Variants in ABT1 observed in about 807,000 individuals in gnomAD.
ABT1 encodes activator of basal transcription 1.
A neutral mutation model predicts 14.0 loss-of-function variants in ABT1; 13 were observed. That is an observed-to-expected ratio of 0.93 (90% CI 0.61 to 1.48). The LOEUF (loss-of-function observed/expected upper bound fraction) is 1.48, where lower values mean the gene tolerates loss of function less well. Ranked by LOEUF, ABT1 falls within the 40% of genes most tolerant of loss-of-function variation. The pLI is 0.00. For missense variants in ABT1, 430 were observed against 380.0 expected, an observed-to-expected ratio of 1.13 and a Z score of -1.09; for synonymous variants, 165 against 144.6, an observed-to-expected ratio of 1.14 and a Z score of -1.01.
intron 1 of ABT1, 77 bp from the exon 2 acceptor site, chr6:26,597,837 C>T: frequency 7.0e-7 from 1 of 1,425,618 alleles, no homozygotes; most frequent in Non-Finnish European, 9.4e-7. Flanking sequence ...ATGTGAAGAA[C>T]GTTGCGGGCA....
Position 26,598,507 on chromosome 6 carries a change from G to C in ABT1, c.681G>C (p.Arg227=), listed in dbSNP as rs782776423. 2.5e-6 allele frequency: 4 copies of C among 1,613,968 alleles called. No homozygotes were observed. In the South Asian group the frequency reaches 4.4e-5, roughly 18 times the overall value. ...EQELRARKAA[R]PGGRERARLA... is the part of the protein sequence containing the mutation. ...AACTGAGGGCCCGTAAAGCAGCACGGCCAGGGGGACGTGAACGGGCTCGCC... is the reference window on the plus strand; with the variant it reads ...AACTGAGGGCCCGTAAAGCAGCACGCCCAGGGGGACGTGAACGGGCTCGCC... Residue 227 remains arginine (R), a synonymous_variant, in exon 3 of 3, where the codon CGG becomes CGC. Transcript: ENST00000274849.
Position 26,598,016 on chromosome 6 carries a change from A to G in ABT1, c.344A>G (p.Lys115Arg). The change falls in exon 2 of 3, where the codon AAG becomes AGG. Residue 115 changes from lysine (K) to arginine (R), a missense_variant. Physicochemically the swap from Lys to Arg is conservative, Grantham distance 26. Coordinates refer to ENST00000274849, the MANE Select transcript of ABT1 (RefSeq NM_013375.4). Reference sequence around the variant, plus strand: ...GAGGGATGGGTGGAGTTCCGTGACAAGCGCATAGCCAAGCGCGTGGCGGCC... The same window carrying G: ...GAGGGATGGGTGGAGTTCCGTGACAGGCGCATAGCCAAGCGCGTGGCGGCC... ...YTEGWVEFRD[K>R]RIAKRVAASL... The G allele has an allele frequency of 6.2e-7, 1 of 1,614,218 alleles. No individual in the cohort carries two copies. The highest frequency in any genetic ancestry group is 8.5e-7 in the Non-Finnish European group (1 of 1,180,044).
intron 2 of ABT1, 55 bp downstream of exon 2, chr6:26,598,165 G>A: frequency 1.3e-6 from 2 of 1,578,548 alleles, no homozygotes; most frequent in Non-Finnish European, 1.7e-6. Context: ...CCCCAACTCT[G>A]GCCCAAGTAT....
At position 26,596,982 on chromosome 6, in the gene ABT1, C is replaced by G; in HGVS notation, c.-1C>G. ...CCGTCGTGCCGCTCGTGTCAGTCAA[C>G]ATGGAGGCAGAGGAATCGGAGAAGG... On this transcript the variant is annotated 5_prime_UTR_variant, in exon 1 of 3. Transcript: ENST00000274849. 1.2e-6 allele frequency: 2 copies of G among 1,609,638 alleles called. No homozygotes were observed. The highest frequency in any genetic ancestry group is 1.1e-5 in the South Asian group (1 of 90,464).
In ABT1 at chr6:26,598,270, G is replaced by C; in HGVS notation, c.444G>C (p.Leu148Phe). The C allele has an allele frequency of 6.2e-7, 1 of 1,612,178 alleles. No individual in the cohort carries two copies. Among genetic ancestry groups the C allele is most frequent in the Non-Finnish European group, 8.5e-7 (1 of 1,178,374 alleles). ...TTCTTCTTTTCTGCCCACAGTACTTGCACCGTTTCACCTGGTCCCACCTCA... is the reference window on the plus strand; with the variant it reads ...TTCTTCTTTTCTGCCCACAGTACTTCCACCGTTTCACCTGGTCCCACCTCA... ...FRYDLWNLKY[L>F]HRFTWSHLSE... The change falls in exon 3 of 3, where the codon TTG (leucine) becomes TTC (phenylalanine). Residue 148 changes from leucine to phenylalanine, a missense_variant. By Grantham distance (22) the Leu-to-Phe change is conservative. Coordinates refer to ENST00000274849, the MANE Select transcript of ABT1 (RefSeq NM_013375.4).
rs563288722 is a variant in ABT1, at chr6:26,597,001, G to C, written c.19G>C (p.Glu7Gln). The change falls in exon 1 of 3, where the codon GAG becomes CAG. Residue 7 changes from glutamate (E) to glutamine (Q), a missense_variant. Coordinates refer to ENST00000274849, the MANE Select transcript of ABT1 (RefSeq NM_013375.4). Reference protein sequence around the residue: MEAEESEKAATEQEPLE... With the variant: MEAEESQKAATEQEPLE... ...AGTCAACATGGAGGCAGAGGAATCG[G>C]AGAAGGCCGCAACGGAGCAAGAGCC... The C allele has an allele frequency of 3.1e-6, 5 of 1,611,962 alleles. No homozygotes were observed. The highest frequency in any genetic ancestry group is 2.7e-5 in the African/African-American group (2 of 74,896).
At position 26,600,088 on chromosome 6, in the gene ABT1, T is replaced by C. The variant is rs1764956658; in HGVS notation, c.*1443T>C. On this transcript the variant is annotated 3_prime_UTR_variant, in exon 3 of 3. Coordinates refer to ENST00000274849, the MANE Select transcript of ABT1 (RefSeq NM_013375.4). ...TTTCTCACAACCCACATACCTCTTATACTTGGCACACAAACTACGTTTCCA... is the reference window on the plus strand; with the variant it reads ...TTTCTCACAACCCACATACCTCTTACACTTGGCACACAAACTACGTTTCCA... The C allele has an allele frequency of 6.6e-6, 1 of 152,264 alleles. No individual in the cohort carries two copies. The highest frequency in any genetic ancestry group is 1.5e-5 in the Non-Finnish European group (1 of 68,048). The allele number at this position is 152,264 out of a possible 1,614,324, so 9.4% of individuals were successfully genotyped here. A position where few individuals can be genotyped will look rare whatever the true frequency, so the allele number is the denominator to read the frequency against.
Position 26,600,532 on chromosome 6 carries a change from G to A in ABT1, c.*1887G>A, listed in dbSNP as rs1033050279. The A allele has an allele frequency of 2.6e-5, 4 of 152,242 alleles. No individual in the cohort carries two copies. Among genetic ancestry groups the A allele is most frequent in the African/African-American group, 7.2e-5 (3 of 41,462 alleles). The allele number at this position is 152,242 out of a possible 1,614,324, so 9.4% of individuals were successfully genotyped here. Reference sequence around the variant, plus strand: ...GCAAGCTAAGTAAGTCACAGGTGGAGTGAGGAATGAGAATAAATGGGTGGA... The same window carrying A: ...GCAAGCTAAGTAAGTCACAGGTGGAATGAGGAATGAGAATAAATGGGTGGA... On this transcript the variant is annotated 3_prime_UTR_variant, in exon 3 of 3. Coordinates refer to ENST00000274849, the MANE Select transcript of ABT1 (RefSeq NM_013375.4).
At position 26,598,259 on chromosome 6, in the gene ABT1, C is replaced by T. The variant is rs1163746960; in HGVS notation, c.439-6C>T. The stretch of plus-strand genomic sequence containing the variant: ...ATCCTGATCTTTTCTTCTTTTCTGC[C>T]CACAGTACTTGCACCGTTTCACCTG... On this transcript the variant is annotated splice_region_variant and splice_polypyrimidine_tract_variant and intron_variant, in intron 2 of 2. Transcript: ENST00000274849. 4 of 1,607,602 alleles carry T rather than the reference C, an allele frequency of 2.5e-6. No homozygotes were observed. In the East Asian group the frequency reaches 6.7e-5, roughly 27 times the overall value.
intron 1 of ABT1, 57 bp from the exon 2 acceptor site, chr6:26,597,857 G>A: frequency 2.6e-6 from 4 of 1,513,760 alleles, no homozygotes; most frequent in Non-Finnish European, 3.6e-6. Context: ...AGTGGGAGGT[G>A]CTTTTGAGTG....
In ABT1 at chr6:26,598,681, T is replaced by TC. The variant is rs782207883; in HGVS notation, c.*37dup. 9.3e-5 allele frequency: 141 copies of TC among 1,510,054 alleles called. No individual in the cohort carries two copies. The highest frequency in any genetic ancestry group is 1.2e-4 in the Non-Finnish European group (132 of 1,132,004). The allele number at this position is 1,510,054 out of a possible 1,614,324, so 93.5% of individuals were successfully genotyped here. ...GGCCCCTTCCATTTCCTGGCCCTGC[T>TC]CTGCTTCCTGTCTACCTCATACTAG... On this transcript the variant is annotated 3_prime_UTR_variant, in exon 3 of 3. Coordinates refer to ENST00000274849, the MANE Select transcript of ABT1 (RefSeq NM_013375.4).
Position 26,599,022 on chromosome 6 carries a change from C to T in ABT1, c.*377C>T, listed in dbSNP as rs1216806751. The T allele has an allele frequency of 5.5e-6, 1 of 180,668 alleles. No individual in the cohort carries two copies. The highest frequency in any genetic ancestry group is 1.1e-5 in the Non-Finnish European group (1 of 87,184). The allele number at this position is 180,668 out of a possible 1,614,324, so 11.2% of individuals were successfully genotyped here. A position where few individuals can be genotyped will look rare whatever the true frequency, so the allele number is the denominator to read the frequency against. On this transcript the variant is annotated 3_prime_UTR_variant, in exon 3 of 3. Transcript: ENST00000274849. Reference sequence around the variant, plus strand: ...GCAATCTTTCTCTGTTTAGCAGTCACAGGTGAGGGTGGTATTAGCATCTTT... The same window carrying T: ...GCAATCTTTCTCTGTTTAGCAGTCATAGGTGAGGGTGGTATTAGCATCTTT...
rs568927550 is a variant in ABT1, at chr6:26,598,403, C to A, written c.577C>A (p.Gln193Lys). ...CTATCTTCAAAGTGTGGAACGGGGACAACGCTTTCTTGCGGCCGATGGGGA... is the reference window on the plus strand; with the variant it reads ...CTATCTTCAAAGTGTGGAACGGGGAAAACGCTTTCTTGCGGCCGATGGGGA... Reference protein sequence around the residue: ...DFYLQSVERGQRFLAADGDPA... With the variant: ...DFYLQSVERGKRFLAADGDPA... Residue 193 changes from glutamine to lysine, a missense_variant, in exon 3 of 3, where the codon CAA (glutamine) becomes AAA (lysine). Transcript: ENST00000274849. 10 of 1,614,252 alleles carry A rather than the reference C, an allele frequency of 6.2e-6. No individual in the cohort carries two copies. The African/African-American group carries it at 9.3e-5, about 15-fold the overall frequency.
chr6:26,598,094 A>T lies in ABT1; in HGVS notation c.422A>T (p.Asp141Val), dbSNP rs1400805322. Residue 141 changes from aspartate (D) to valine (V), a missense_variant, in exon 2 of 3, where the codon GAT becomes GTT. Asp to Val is a radical substitution (Grantham distance 152, BLOSUM62 -3). Transcript: ENST00000274849. ...CGCAGGCGCAGCCCCTTCCGTTATGATCTTTGGAACCTCAAGGTGAGAAGA... is the reference window on the plus strand; with the variant it reads ...CGCAGGCGCAGCCCCTTCCGTTATGTTCTTTGGAACCTCAAGGTGAGAAGA... ...GARRRSPFRY[D>V]LWNLKYLHRF... The T allele has an allele frequency of 1.2e-6, 2 of 1,610,246 alleles. No individual in the cohort carries two copies. The highest frequency in any genetic ancestry group is 1.7e-5 in the Admixed American group (1 of 59,806).
rs1176338571 is a variant in ABT1, at chr6:26,597,976, A to T, written c.304A>T (p.Thr102Ser). 7 of 1,614,058 alleles carry T rather than the reference A, an allele frequency of 4.3e-6. No individual in the cohort carries two copies. The highest frequency in any genetic ancestry group is 5.9e-6 in the Non-Finnish European group (7 of 1,180,010). Reference sequence around the variant, plus strand: ...TGCCGGAGGAAAAAAGCGGTCCTACACCAAGGACTACACCGAGGGATGGGT... The same window carrying T: ...TGCCGGAGGAAAAAAGCGGTCCTACTCCAAGGACTACACCGAGGGATGGGT... ...AAAGGKKRSY[T>S]KDYTEGWVEF... The change falls in exon 2 of 3, where the codon ACC becomes TCC. Residue 102 changes from threonine to serine, a missense_variant. Transcript: ENST00000274849.
Position 26,598,573 on chromosome 6 carries a change from C to G in ABT1, c.747C>G (p.Leu249=). The change falls in exon 3 of 3, where the codon CTC becomes CTG. Residue 249 remains leucine (L), a synonymous_variant. Coordinates refer to ENST00000274849, the MANE Select transcript of ABT1 (RefSeq NM_013375.4). ...ACAAGGCCCGCTCCAACAAAGGGCT[C>G]CTGGCCAGGATCTTTGGAGCCCCGC... ...AQDKARSNKG[L]LARIFGAPPP... 6.2e-7 allele frequency: 1 copy of G among 1,605,252 alleles called. No homozygotes were observed. The highest frequency in any genetic ancestry group is 8.5e-7 in the Non-Finnish European group (1 of 1,173,408).
chr6:26,597,280 C>G, intron 1 of ABT1, 57 bp downstream of exon 1: 1 of 1,591,288 alleles, frequency 6.3e-7, no homozygotes, highest in Non-Finnish European at 8.6e-7. Context: ...TGGCGGGGTG[C>G]AAGCATGCAT....
chr6:26,599,119 GAAAATA>G lies in ABT1; in HGVS notation c.*481_*486del, dbSNP rs1458050412. On this transcript the variant is annotated 3_prime_UTR_variant, in exon 3 of 3. Transcript: ENST00000274849. The stretch of plus-strand genomic sequence containing the variant: ...AAATACATTTCCTAATGTATTTATA[GAAAATA>G]AAAATATTTTTATGTGCCTTTTTAT... The G allele has an allele frequency of 6.6e-6, 1 of 152,568 alleles. No individual in the cohort carries two copies. Among genetic ancestry groups the G allele is most frequent in the Non-Finnish European group, 1.5e-5 (1 of 68,346 alleles). 9.5% of individuals were successfully genotyped at this position (152,568 alleles called of 1,614,324 possible).
intron 1 of ABT1, among the ~76,000 whole-genome samples, 158 bp from the exon 2 acceptor site, chr6:26,597,756 G>A (rs1554144645): frequency 6.6e-6 from 1 of 152,210 alleles, no homozygotes; most frequent in African/African-American, 2.4e-5. Context: ...GAGTTAGCTA[G>A]AGGAAAGGGT....
Sources: allele counts gnomAD v4.1 joint callset (sites outside exome capture counted in the v4.1 genomes callset), GRCh38; gene constraint gnomAD v4.1.1; transcripts MANE v1.5; gene names NCBI Gene and HGNC (gene_info 2026-07-23, HGNC 2026-07-21).